The following PCLO variants were observed in gnomAD, a reference collection of about 807,000 sequenced individuals.
The protein encoded by PCLO is protein piccolo.
Under a neutral mutation model 427.5 loss-of-function variants are expected in PCLO, and 82 were observed. The observed-to-expected ratio is 0.19, with a 90% CI of 0.16 to 0.23. The LOEUF (loss-of-function observed/expected upper bound fraction) is 0.23. PCLO is among the 10% of genes least tolerant of loss of function. The pLI is 1.00. For synonymous variants in PCLO, 2,357 were observed against 2,155.4 expected, an observed-to-expected ratio of 1.09 and a Z score of -2.59; for missense variants, 6,239 against 6,115.9, an observed-to-expected ratio of 1.02 and a Z score of -0.67.
chr7:83,141,037 A>C (rs899116291), intron 2 of PCLO, among the ~76,000 whole-genome samples: 5 of 152,242 alleles, frequency 3.3e-5, no homozygotes, highest in African/African-American at 1.2e-4. Context: ...TGGAGAAGTT[A>C]GGCAGACAAT....
chr7:83,035,150 C>T (rs879298421), intron 3 of PCLO, among the ~76,000 whole-genome samples: 3 of 152,112 alleles, frequency 2.0e-5, no homozygotes, highest in African/African-American at 4.8e-5. Context: ...AAGCACTAGC[C>T]ATGTCACATT....
rs1164103140 is a variant in PCLO at position 83,156,396 on chromosome 7, G to C, written c.249-4C>G. On this transcript the variant is annotated splice_region_variant and splice_polypyrimidine_tract_variant and intron_variant, in intron 1 of 24. Transcript: ENST00000333891. The stretch of plus-strand genomic sequence containing the variant: ...ACTACTATCCAACTCTTGTTTCCTA[G>C]AAGAGTTAAAAAAAAAAAAAAAAAT... The C allele has an allele frequency of 4.5e-5, 55 of 1,210,358 alleles. No individual in the cohort carries two copies. Among genetic ancestry groups the C allele is most frequent in the South Asian group, 2.4e-4 (11 of 46,724 alleles). The allele number at this position is 1,210,358 out of a possible 1,614,324, so 75.0% of individuals were successfully genotyped here. A position where few individuals can be genotyped will look rare whatever the true frequency, so the allele number is the denominator to read the frequency against.
intron 3 of PCLO, among the ~76,000 whole-genome samples, chr7:83,113,674 G>C (rs1791060915): frequency 6.6e-6 from 1 of 152,076 alleles, no homozygotes; most frequent in African/African-American, 2.4e-5. Context: ...TAAGCACCTG[G>C]AATAATGCCT....
chr7:83,015,399 A>C (rs1345047333), intron 3 of PCLO, among the ~76,000 whole-genome samples: 1 of 151,848 alleles, frequency 6.6e-6, no homozygotes, highest in Non-Finnish European at 1.5e-5. Flanking sequence ...TGACCACTAC[A>C]TGAGATTTCT....
intron 10 of PCLO, among the ~76,000 whole-genome samples, chr7:82,865,930 A>G (rs530865662): frequency 4.1e-4 from 63 of 152,238 alleles, no homozygotes; most frequent in Non-Finnish European, 6.6e-4. Context: ...AACGTCATTC[A>G]GCTTATGTCA....
At position 82,974,100 on chromosome 7, in the gene PCLO, T is replaced by C. The variant is rs190795107; in HGVS notation, c.3301-7613A>G. Among the ~76,000 whole-genome samples, 297 of 152,258 alleles carry C rather than the reference T, an allele frequency of 2.0e-3. 1 individual carries two copies. The highest frequency in any genetic ancestry group is 7.0e-3 in the African/African-American group (289 of 41,570). On this transcript the variant is annotated intron_variant, in intron 3 of 24. Transcript: ENST00000333891. ...ATGCTTAGTTTTCTTTTACAAGATA[T>C]ATATGGCTGGGTGCAGTGGCTCACA...
In PCLO at chr7:83,155,161, G is replaced by A. The variant is rs765327001; in HGVS notation, c.1480C>T (p.Pro494Ser). Residue 494 changes from proline (P) to serine (S), a missense_variant, in exon 2 of 25, where the codon CCT becomes TCT. Physicochemically the swap from Pro to Ser is moderately conservative, Grantham distance 74. Around this residue, in one of 5 missense-constraint regions of PCLO, gnomAD observed 4,677 missense variants for 4,468.4 expected, o/e 1.05. Coordinates refer to ENST00000333891, the MANE Select transcript of PCLO (RefSeq NM_033026.6). ...PGPAKPPPQQ[P>S]GSAKPPSQQP... ...TGAGATGGGGGCTTTGCTGAGCCAG[G>A]CTGTTGAGGTGGGGGCTTTGCTGGG... 1.3e-6 allele frequency: 2 copies of A among 1,571,008 alleles called. No individual in the cohort carries two copies. The highest frequency in any genetic ancestry group is 2.3e-5 in the East Asian group (1 of 44,194).
intron 20 of PCLO, among the ~76,000 whole-genome samples, chr7:82,806,914 T>G (rs1791470371): frequency 1.3e-5 from 2 of 151,162 alleles, no homozygotes; most frequent in African/African-American, 2.4e-5. Flanking sequence ...TCTTACTGTC[T>G]TTGAGCTTAA....
At chr7:82,806,348 G>A (rs186333554) in intron 20 of PCLO, among the ~76,000 whole-genome samples, 3 of 152,206 alleles carry the variant, frequency 2.0e-5, no homozygotes, top group Admixed American at 1.3e-4. Flanking sequence ...TTGTTTGTAT[G>A]TACCTCTGCC....
At chr7:83,115,364 A>C (rs1416988951) in intron 3 of PCLO, among the ~76,000 whole-genome samples, 1 of 152,160 alleles carries the variant, frequency 6.6e-6, no homozygotes, top group Non-Finnish European at 1.5e-5. Context: ...AGGTAAACTA[A>C]AACTGGGTAA....
chr7:83,033,688 T>C (rs1788726914), intron 3 of PCLO, among the ~76,000 whole-genome samples: 1 of 152,180 alleles, frequency 6.6e-6, no homozygotes, highest in Non-Finnish European at 1.5e-5. Flanking sequence ...TATATTGCAA[T>C]CTTTCTTCCT....
At chr7:82,840,566 G>C (rs911405664) in intron 14 of PCLO, among the ~76,000 whole-genome samples, 3 of 151,912 alleles carry the variant, frequency 2.0e-5, no homozygotes, top group Admixed American at 6.6e-5. Flanking sequence ...CCTACTTCTC[G>C]AAGCTGATTC....
chr7:82,971,709 A>T (rs1222607156), intron 3 of PCLO, among the ~76,000 whole-genome samples: 1 of 148,654 alleles, frequency 6.7e-6, no homozygotes, highest in East Asian at 2.0e-4. Flanking sequence ...GGAAAAAGTA[A>T]TGGAAAAAGC....
chr7:83,074,334 C>T (rs1789896397), intron 3 of PCLO, among the ~76,000 whole-genome samples: 1 of 152,056 alleles, frequency 6.6e-6, no homozygotes, highest in African/African-American at 2.4e-5. Flanking sequence ...ATCCTCTAGA[C>T]ACACAAAAGT....
At chr7:83,014,910 A>T (rs1353930250) in intron 3 of PCLO, among the ~76,000 whole-genome samples, 1 of 152,202 alleles carries the variant, frequency 6.6e-6, no homozygotes, top group Non-Finnish European at 1.5e-5. Context: ...TTCTCACAAT[A>T]AAAGTAATTA....
chr7:82,952,173 T>TCAC lies in PCLO; in HGVS notation c.8779_8780insGTG (p.Asp2926_Glu2927insGly), dbSNP rs34366668. On this transcript the variant is annotated inframe_insertion, in exon 5 of 25. Transcript: ENST00000333891. The stretch of plus-strand genomic sequence containing the variant: ...CCCTGCGGTTAAATCAACGGGTTTT[T>TCAC]CATCTTCTATTATTTTGGTCATCAC... The TCAC allele has an allele frequency of 8.2e-6, 12 of 1,461,578 alleles. No homozygotes were observed. The highest frequency in any genetic ancestry group is 2.2e-5 in the Admixed American group (1 of 44,726). The allele number at this position is 1,461,578 out of a possible 1,614,324, so 90.5% of individuals were successfully genotyped here. A position where few individuals can be genotyped will look rare whatever the true frequency, so the allele number is the denominator to read the frequency against.
Position 82,969,819 on chromosome 7 carries a change from T to C in PCLO, c.3301-3332A>G, listed in dbSNP as rs141529904. 6.9e-4 allele frequency among the ~76,000 whole-genome samples: 105 copies of C among 152,226 alleles called. 1 individual carries two copies. Among genetic ancestry groups the C allele is most frequent in the African/African-American group, 2.4e-3 (101 of 41,578 alleles). ...TGCAGTAAAAACAAAGAGACGGAGA[T>C]ATTGTGTTGCAATGCAGAAGAGAGA... On this transcript the variant is annotated intron_variant, in intron 3 of 24. Transcript: ENST00000333891.
chr7:83,090,174 C>T (rs562671485), intron 3 of PCLO, among the ~76,000 whole-genome samples: 5 of 151,890 alleles, frequency 3.3e-5, no homozygotes, highest in South Asian at 2.1e-4. Context: ...TGGTGGTGCA[C>T]GCCTGTAGTC....
At chr7:82,869,836 C>G (rs1361783580) in intron 10 of PCLO, among the ~76,000 whole-genome samples, 1 of 151,728 alleles carries the variant, frequency 6.6e-6, no homozygotes, top group Non-Finnish European at 1.5e-5. Context: ...ATAAATTTAA[C>G]TAAATAAATG....
Sources: gnomAD v4.1 joint callset for allele counts (sites outside exome capture counted in the v4.1 genomes callset) on GRCh38, gnomAD v4.1.1 for gene constraint, gnomAD v4.1.1 regional missense constraint, MANE v1.5 for transcripts, NCBI Gene and HGNC (gene_info 2026-07-23, HGNC 2026-07-21) for gene names.